Variants in GLI2 observed in about 807,000 individuals in gnomAD.
GLI2 encodes the protein GLI family zinc finger 2.
GLI2 carries 22 observed loss-of-function variants against 78.9 expected under a neutral mutation model. The observed-to-expected ratio is 0.28, with a 90% CI of 0.20 to 0.40. The LOEUF is 0.40. Among genes scored for constraint, GLI2 ranks in the 10% least tolerant of loss-of-function variants. The probability of loss-of-function intolerance (pLI) is 1.00; values close to 1 mark genes in which losing one functional copy is unlikely to be tolerated. For missense variants in GLI2, 2,097 were observed against 2,213.2 expected, an observed-to-expected ratio of 0.95 and a Z score of 1.05; for synonymous variants, 974 against 963.7, an observed-to-expected ratio of 1.01 and a Z score of -0.20.
intron 3 of GLI2, among the ~76,000 whole-genome samples, chr2:120,939,625 T>C (rs1680360053): frequency 6.6e-6 from 1 of 152,266 alleles, no homozygotes; most frequent in Non-Finnish European, 1.5e-5. Flanking sequence ...TTCCTGCTAA[T>C]GTGTAGGGCT....
intron 2 of GLI2, among the ~76,000 whole-genome samples, chr2:120,824,011 T>C (rs58292323): frequency 0.087 from 13,261 of 152,310 alleles, 696 homozygotes; most frequent in African/African-American, 0.15. Flanking sequence ...TGGAATTCTA[T>C]GGTGAATTAA....
intron 6 of GLI2, among the ~76,000 whole-genome samples, chr2:120,969,424 C>G (rs1682027357): frequency 6.6e-6 from 1 of 152,230 alleles, no homozygotes; most frequent in African/African-American, 2.4e-5. Flanking sequence ...GACTGAAACT[C>G]ACATGCCTCT....
At chr2:120,978,685 G>A in intron 10 of GLI2, 102 bp downstream of exon 10, 1 of 1,311,542 alleles carries the variant, frequency 7.6e-7, no homozygotes, top group South Asian at 1.3e-5. Flanking sequence ...GCACACCTGG[G>A]TGGGGCAGAC....
intron 2 of GLI2, among the ~76,000 whole-genome samples, chr2:120,819,183 G>T (rs1391823495): frequency 6.6e-6 from 1 of 151,010 alleles, no homozygotes; most frequent in Non-Finnish European, 1.5e-5. Context: ...GGTTTGTGTT[G>T]CACTTTAAAA....
chr2:120,945,305 C>G (rs1680655306), intron 3 of GLI2, among the ~76,000 whole-genome samples: 1 of 152,250 alleles, frequency 6.6e-6, no homozygotes, highest in Non-Finnish European at 1.5e-5. Context: ...CAAACACACA[C>G]ACACGAGGAA....
At chr2:120,831,322 G>A (rs540320673) in intron 2 of GLI2, among the ~76,000 whole-genome samples, 2 of 152,330 alleles carry the variant, frequency 1.3e-5, no homozygotes, top group African/African-American at 4.8e-5. Context: ...ATTGGCAAGT[G>A]CTCCTCCCAA....
chr2:120,972,594 T>C (rs1027048031), intron 8 of GLI2: 1 of 515,892 alleles, frequency 1.9e-6, no homozygotes, highest in South Asian at 1.4e-5. Flanking sequence ...CCTGTCTCCC[T>C]GTCTGCACTC....
intron 1 of GLI2, among the ~76,000 whole-genome samples, chr2:120,789,491 A>G (rs1684088745): frequency 6.6e-6 from 1 of 152,098 alleles, no homozygotes; most frequent in Non-Finnish European, 1.5e-5. Flanking sequence ...TGGAAGCCAC[A>G]GGGCAGACTG....
intron 5 of GLI2, among the ~76,000 whole-genome samples, chr2:120,958,496 A>G (rs1681386209): frequency 6.6e-6 from 1 of 152,082 alleles, no homozygotes; most frequent in Non-Finnish European, 1.5e-5. Context: ...ACAGTGACAT[A>G]TCGCCCTCGT....
chr2:120,955,620 A>T (rs1681224736), intron 5 of GLI2, among the ~76,000 whole-genome samples, 190 bp downstream of exon 5: 1 of 152,252 alleles, frequency 6.6e-6, no homozygotes, highest in African/African-American at 2.4e-5. Context: ...ACCACAGGCC[A>T]GGAGGCGTTG....
chr2:120,799,565 G>A (rs1422196173), intron 2 of GLI2, among the ~76,000 whole-genome samples: 11 of 152,212 alleles, frequency 7.2e-5, no homozygotes, highest in Non-Finnish European at 1.2e-4. Context: ...CAGGGACATC[G>A]TGGGCCAAGT....
rs1243655186 is a variant in GLI2, at chr2:120,735,925, C to T, written c.-391C>T. Among the ~76,000 whole-genome samples the T allele has an allele frequency of 1.3e-5, 2 of 152,056 alleles. No homozygotes were observed. Among genetic ancestry groups the T allele is most frequent in the South Asian group, 4.1e-4 (2 of 4,824 alleles). ...AGCCGAGGCAGCACGGCTCCGCGGA[C>T]TTTTTTTCAAACTCCCATCAATGAG... On this transcript the variant is annotated 5_prime_UTR_variant, in exon 1 of 14. Coordinates refer to ENST00000361492, the MANE Select transcript of GLI2 (RefSeq NM_001374353.1).
chr2:120,790,556 C>T (rs896853567), intron 1 of GLI2, among the ~76,000 whole-genome samples: 2 of 152,158 alleles, frequency 1.3e-5, no homozygotes, highest in Non-Finnish European at 2.9e-5. Context: ...GCTTGCGGTT[C>T]CCCTCCCAGT....
At chr2:120,812,129 G>C (rs959927583) in intron 2 of GLI2, among the ~76,000 whole-genome samples, 4 of 152,194 alleles carry the variant, frequency 2.6e-5, no homozygotes, top group African/African-American at 9.7e-5. Flanking sequence ...TGAAGCCACT[G>C]TCTCTCTCAA....
In GLI2 at chr2:120,992,007, T is replaced by C. The variant is rs150397467; in HGVS notation, c.*1332T>C. On this transcript the variant is annotated 3_prime_UTR_variant, in exon 14 of 14. Transcript: ENST00000361492. ...GTGAATTGGTGCATCTTCCCCACCA[T>C]ACACACACACACACACACACACACA... 52 of 130,146 alleles carry C rather than the reference T, an allele frequency of 4.0e-4. No individual in the cohort carries two copies. The highest frequency in any genetic ancestry group is 4.0e-3 in the Middle Eastern group (1 of 248). 8.1% of individuals were successfully genotyped at this position (130,146 alleles called of 1,614,324 possible).
At chr2:120,867,718 T>G (rs1008832407) in intron 2 of GLI2, among the ~76,000 whole-genome samples, 1 of 152,156 alleles carries the variant, frequency 6.6e-6, no homozygotes, top group East Asian at 1.9e-4. Flanking sequence ...CCCTTCCCCT[T>G]GTCTGCTGCG....
intron 3 of GLI2, among the ~76,000 whole-genome samples, chr2:120,929,349 G>A (rs556919184): frequency 1.3e-5 from 2 of 152,324 alleles, no homozygotes; most frequent in East Asian, 3.9e-4. Flanking sequence ...ATACTTAGAG[G>A]ATATGGAAAT....
chr2:120,883,270 G>T (rs1677241012), intron 2 of GLI2, among the ~76,000 whole-genome samples: 1 of 152,170 alleles, frequency 6.6e-6, no homozygotes, highest in Non-Finnish European at 1.5e-5. Context: ...CAGATCGCTT[G>T]AGCCCAGGAG....
intron 2 of GLI2, among the ~76,000 whole-genome samples, chr2:120,806,281 G>A (rs1010415671): frequency 6.6e-6 from 1 of 152,196 alleles, no homozygotes; most frequent in Non-Finnish European, 1.5e-5. Flanking sequence ...ACCCGGGCCT[G>A]GGTGCCTCTG....
Sources: allele counts gnomAD v4.1 joint callset (sites outside exome capture counted in the v4.1 genomes callset), GRCh38; gene constraint gnomAD v4.1.1; transcripts MANE v1.5; gene names NCBI Gene and HGNC (gene_info 2026-07-23, HGNC 2026-07-21).